The following POLE2 variants were observed in gnomAD, a reference collection of about 807,000 sequenced individuals.
The protein encoded by POLE2 is DNA polymerase epsilon subunit 2.
Under a neutral mutation model 79.4 loss-of-function variants are expected in POLE2, and 56 were observed. That is an observed-to-expected ratio of 0.71 (90% CI 0.57 to 0.88). POLE2 has a LOEUF of 0.88. POLE2 is among the 40% of genes least tolerant of loss of function. The probability of loss-of-function intolerance (pLI) is 0.00; values close to 1 mark genes in which losing one functional copy is unlikely to be tolerated. For synonymous variants in POLE2, 212 were observed against 214.0 expected (o/e 0.99, Z 0.08); for missense variants, 598 against 638.9 (o/e 0.94, Z 0.69).
At chr14:49,683,263 A>T (rs1315797484) in intron 2 of POLE2, among the ~76,000 whole-genome samples, 1 of 152,102 alleles carries the variant, frequency 6.6e-6, no homozygotes, top group Non-Finnish European at 1.5e-5. Flanking sequence ...TTAGCCTGAC[A>T]TGGAGGTGTG....
At chr14:49,677,382 G>A (rs374856753) in intron 3 of POLE2, 31 of 490,176 alleles carry the variant, frequency 6.3e-5, no homozygotes, top group South Asian at 4.1e-4. Context: ...TATCTACAGC[G>A]GCTTGAGGCC....
At chr14:49,646,992 A>G in intron 18 of POLE2, 1 of 232,684 alleles carries the variant, frequency 4.3e-6, no homozygotes, top group Non-Finnish European at 8.3e-6. Flanking sequence ...GGCAGGACTG[A>G]CCTCTCAGAA....
chr14:49,658,237 C>T (rs368753642), intron 10 of POLE2, among the ~76,000 whole-genome samples: 1 of 152,254 alleles, frequency 6.6e-6, no homozygotes, highest in East Asian at 1.9e-4. Context: ...CCACCACGCC[C>T]GGCTAATTTT....
intron 5 of POLE2, among the ~76,000 whole-genome samples, chr14:49,672,664 T>C (rs952678284): frequency 1.3e-5 from 2 of 152,110 alleles, no homozygotes; most frequent in Non-Finnish European, 2.9e-5. Flanking sequence ...CATGCCTGAC[T>C]ACTTTTGTAT....
chr14:49,663,483 A>G, intron 9 of POLE2, 96 bp from the exon 10 acceptor site: 1 of 698,202 alleles, frequency 1.4e-6, no homozygotes, highest in Non-Finnish European at 2.3e-6. Flanking sequence ...GGCTAGTCTC[A>G]TGCCCTGTGA....
At chr14:49,663,797 G>A (rs1348235520) in intron 9 of POLE2, among the ~76,000 whole-genome samples, 2 of 152,042 alleles carry the variant, frequency 1.3e-5, no homozygotes, top group South Asian at 4.2e-4. Context: ...GGGAGGCTGA[G>A]GCGGGCGGAT....
intron 3 of POLE2, 98 bp from the exon 4 acceptor site, chr14:49,674,525 C>T (rs1261925095): frequency 2.7e-6 from 2 of 742,234 alleles, no homozygotes; most frequent in Non-Finnish European, 2.3e-6. Flanking sequence ...TAATAACACA[C>T]TTTTCACATT....
chr14:49,676,281 C>T (rs1036049320), intron 3 of POLE2, among the ~76,000 whole-genome samples: 1 of 152,152 alleles, frequency 6.6e-6, no homozygotes, highest in Admixed American at 6.6e-5. Context: ...ACCTAAAAAT[C>T]TTTCCTAAAA....
intron 2 of POLE2, among the ~76,000 whole-genome samples, chr14:49,682,343 C>T (rs1399507795): frequency 6.7e-6 from 1 of 148,966 alleles, no homozygotes; most frequent in Non-Finnish European, 1.5e-5. Flanking sequence ...AATTTTGTAT[C>T]AATGTCTATT....
At chr14:49,651,554 T>G in intron 15 of POLE2, 177 bp from the exon 16 acceptor site, 1 of 422,308 alleles carries the variant, frequency 2.4e-6, no homozygotes, top group Non-Finnish European at 4.2e-6. Flanking sequence ...GCTCTTAATA[T>G]ATGCCTACCC....
Position 49,678,001 on chromosome 14 carries a change from TTA to T in POLE2, c.245+1722_245+1723del, listed in dbSNP as rs1228265082. ...CTTTCTTTATTTTATTTTATTTATT[TTA>T]TTTTTTTTTTTTTGAGAGACAAGTC... is the stretch of plus-strand genomic sequence containing the variant. On this transcript the variant is annotated intron_variant, in intron 3 of 18. Transcript: ENST00000216367. The T allele has an allele frequency of 5.7e-5, 9 of 158,522 alleles. No homozygotes were observed. In the East Asian group the frequency reaches 5.8e-4, roughly 10 times the overall value. The allele number at this position is 158,522 out of a possible 1,614,324, so 9.8% of individuals were successfully genotyped here.
chr14:49,652,528 C>A (rs570769733), intron 15 of POLE2, among the ~76,000 whole-genome samples: 23 of 152,088 alleles, frequency 1.5e-4, no homozygotes, highest in Non-Finnish European at 2.8e-4. Flanking sequence ...CACTCCCCAT[C>A]GGTTGTATTA....
At chr14:49,675,669 G>A (rs184312763) in intron 3 of POLE2, among the ~76,000 whole-genome samples, 1,510 of 149,356 alleles carry the variant, frequency 0.01, 9 homozygotes, top group Non-Finnish European at 0.014. Context: ...CAAGTGATCC[G>A]CCTGCCTCAG....
Position 49,680,255 on chromosome 14 carries a change from T to C in POLE2, c.170-455A>G, listed in dbSNP as rs552034662. Among the ~76,000 whole-genome samples the C allele has an allele frequency of 6.6e-5, 10 of 151,542 alleles. 1 individual carries two copies. In the South Asian group the frequency reaches 2.1e-3, roughly 32 times the overall value. ...GTCCCAGATACTCAGGAGGCCAAGATGGGAGGATCACCTGAGCCCAGGGAG... is the reference window on the plus strand; with the variant it reads ...GTCCCAGATACTCAGGAGGCCAAGACGGGAGGATCACCTGAGCCCAGGGAG... On this transcript the variant is annotated intron_variant, in intron 2 of 18. Coordinates refer to ENST00000216367, the MANE Select transcript of POLE2 (RefSeq NM_002692.4).
intron 16 of POLE2, among the ~76,000 whole-genome samples, chr14:49,651,018 A>G (rs1489017196): frequency 6.6e-6 from 1 of 152,210 alleles, no homozygotes; most frequent in Non-Finnish European, 1.5e-5. Flanking sequence ...TAAAAGGCAA[A>G]ACACGAAGCT....
chr14:49,660,779 T>A (rs1241612347), intron 10 of POLE2, among the ~76,000 whole-genome samples: 1 of 152,210 alleles, frequency 6.6e-6, no homozygotes, highest in Non-Finnish European at 1.5e-5. Context: ...TAATCCCAGC[T>A]ACTTGGGAGG....
chr14:49,658,590 T>C (rs1884880429), intron 10 of POLE2, among the ~76,000 whole-genome samples: 1 of 152,234 alleles, frequency 6.6e-6, no homozygotes, highest in African/African-American at 2.4e-5. Context: ...TGGACTGTCA[T>C]GCACGGCATA....
intron 5 of POLE2, among the ~76,000 whole-genome samples, chr14:49,673,627 G>A (rs901894055): frequency 6.6e-5 from 10 of 151,988 alleles, no homozygotes; most frequent in African/African-American, 2.4e-4. Context: ...TTTATGTATT[G>A]CACAAATGTC....
At position 49,666,405 on chromosome 14, in the gene POLE2, T is replaced by C. The variant is rs745902670; in HGVS notation, c.501A>G (p.Thr167=). Residue 167 remains threonine (T), a synonymous_variant, in exon 7 of 19, where the codon ACA becomes ACG. Transcript: ENST00000216367. ...DESGSKFQLK[T]IETLLGSTTK... is the part of the protein sequence containing the mutation. ...TTGTACTACCCAATAAGGTTTCTAT[T>C]GTTTTAAGCTAAAATAAAACAAAAT... 5 of 1,416,034 alleles carry C rather than the reference T, an allele frequency of 3.5e-6. No individual in the cohort carries two copies. Among genetic ancestry groups the C allele is most frequent in the Non-Finnish European group, 4.8e-6 (5 of 1,046,784 alleles). The allele number at this position is 1,416,034 out of a possible 1,614,324, so 87.7% of individuals were successfully genotyped here. A position where few individuals can be genotyped will look rare whatever the true frequency, so the allele number is the denominator to read the frequency against.
Sources: gnomAD v4.1 joint callset for allele counts (sites outside exome capture counted in the v4.1 genomes callset) on GRCh38, gnomAD v4.1.1 for gene constraint, MANE v1.5 for transcripts, NCBI Gene and HGNC (gene_info 2026-07-23, HGNC 2026-07-21) for gene names.